The following PDE2A variants were observed in gnomAD, a reference collection of about 807,000 sequenced individuals.
The protein encoded by PDE2A is phosphodiesterase 2A.
PDE2A carries 53 observed loss-of-function variants against 133.6 expected under a neutral mutation model. The ratio of observed to expected loss-of-function variants is 0.40; its 90% CI spans 0.32 to 0.50. The LOEUF is 0.50. Ranked by LOEUF, PDE2A falls within the 20% of genes least tolerant of loss-of-function variation. The pLI is 0.73. For synonymous variants in PDE2A, 491 were observed against 490.2 expected (o/e 1.00, Z -0.02); for missense variants, 796 against 1,232.4 (o/e 0.65, Z 5.30).
Position 72,582,433 on chromosome 11 carries a change from G to C in PDE2A, c.1851+11C>G, listed in dbSNP as rs761720034. ...TCGGCCTGGCCAGTCAAGTGGAGGA[G>C]AGCAACTCACCATGGACGTGTCATC... On this transcript the variant is annotated intron_variant, in intron 21 of 30. Transcript: ENST00000334456. 1.9e-6 allele frequency: 3 copies of C among 1,613,214 alleles called. No homozygotes were observed. Among genetic ancestry groups the C allele is most frequent in the Non-Finnish European group, 2.5e-6 (3 of 1,179,558 alleles).
chr11:72,652,828 T>TC lies in PDE2A; in HGVS notation c.72-10503dup, dbSNP rs199948146. 1,486 of 409,614 alleles carry TC rather than the reference T, an allele frequency of 3.6e-3. 17 individuals are homozygous for TC. Among genetic ancestry groups the TC allele is most frequent in the African/African-American group, 0.028 (1,365 of 48,540 alleles). 25.4% of individuals were successfully genotyped at this position (409,614 alleles called of 1,614,324 possible). A position where few individuals can be genotyped will look rare whatever the true frequency, so the allele number is the denominator to read the frequency against. On this transcript the variant is annotated intron_variant, in intron 1 of 30. Transcript: ENST00000334456. Reference sequence around the variant, plus strand: ...GACTTGGGGAAAAGAGCCCAGGGCCTCCCCCAGTCCTTCCTTGGCTTCAGG... The same window carrying TC: ...GACTTGGGGAAAAGAGCCCAGGGCCTCCCCCCAGTCCTTCCTTGGCTTCAGG...
rs556043525 is a variant in PDE2A, at chr11:72,665,569, G to T, written c.71+8568C>A. Among the ~76,000 whole-genome samples the T allele has an allele frequency of 3.3e-5, 5 of 152,298 alleles. No individual in the cohort carries two copies. The South Asian group carries it at 8.3e-4, about 25-fold the overall frequency. ...GACTCAATCCTCCCCAGGCCCAAGAGAGCTGAGGCACGTTCTTCTCTGGCC... is the reference window on the plus strand; with the variant it reads ...GACTCAATCCTCCCCAGGCCCAAGATAGCTGAGGCACGTTCTTCTCTGGCC... On this transcript the variant is annotated intron_variant, in intron 1 of 30. Transcript: ENST00000334456.
chr11:72,657,997 T>C (rs1357968231), intron 1 of PDE2A: 1 of 456,068 alleles, frequency 2.2e-6, no homozygotes, highest in South Asian at 1.5e-5. Flanking sequence ...GGGAGGGAGT[T>C]CATATGTTGT....
Position 72,583,406 on chromosome 11 carries a change from G to A in PDE2A, c.1728+32C>T, listed in dbSNP as rs374787686. On this transcript the variant is annotated intron_variant, in intron 20 of 30. Coordinates refer to ENST00000334456, the MANE Select transcript of PDE2A (RefSeq NM_002599.5). ...TGGCCCTGGGTCCCCGGGGAATCTG[G>A]GAGGAGGACCAGAGGTCTCTGCAAG... The A allele has an allele frequency of 3.0e-5, 45 of 1,488,508 alleles. No individual in the cohort carries two copies. The African/African-American group carries it at 5.4e-4, about 18-fold the overall frequency. 92.2% of individuals were successfully genotyped at this position (1,488,508 alleles called of 1,614,324 possible).
chr11:72,577,983 G>C (rs1301418381), intron 30 of PDE2A, among the ~76,000 whole-genome samples: 1 of 152,114 alleles, frequency 6.6e-6, no homozygotes, highest in Non-Finnish European at 1.5e-5. Context: ...AAAAAAACAA[G>C]AACTTCCACA....
chr11:72,582,656 T>C, intron 20 of PDE2A, 90 bp from the exon 21 acceptor site: 2 of 1,321,860 alleles, frequency 1.5e-6, no homozygotes, highest in East Asian at 2.4e-5. Context: ...GGGGGATCCG[T>C]CACCCAGAAT....
chr11:72,612,724 G>C (rs1445751001), intron 2 of PDE2A, among the ~76,000 whole-genome samples: 1 of 149,276 alleles, frequency 6.7e-6, no homozygotes, highest in East Asian at 2.0e-4. Context: ...TAGATGGGTG[G>C]CTGGGTGGGT....
At chr11:72,633,885 G>A (rs1398488341) in intron 2 of PDE2A, among the ~76,000 whole-genome samples, 2 of 152,192 alleles carry the variant, frequency 1.3e-5, no homozygotes, top group Admixed American at 1.3e-4. Context: ...TCAAACCCTG[G>A]ACGCCTGATG....
Position 72,674,268 on chromosome 11 carries a change from C to A in PDE2A, c.-61G>T. On this transcript the variant is annotated 5_prime_UTR_variant, in exon 1 of 31. Transcript: ENST00000334456. ...GTGGCACCTCGCCCTGTCCCCGCTGCCTGGAGTTCAGGGCAGGGCACCCCC... is the reference window on the plus strand; with the variant it reads ...GTGGCACCTCGCCCTGTCCCCGCTGACTGGAGTTCAGGGCAGGGCACCCCC... 6.5e-7 allele frequency: 1 copy of A among 1,543,006 alleles called. No individual in the cohort carries two copies. The highest frequency in any genetic ancestry group is 8.8e-7 in the Non-Finnish European group (1 of 1,140,484).
chr11:72,654,244 C>T (rs1854830987), intron 1 of PDE2A, among the ~76,000 whole-genome samples: 1 of 152,206 alleles, frequency 6.6e-6, no homozygotes, highest in Non-Finnish European at 1.5e-5. Flanking sequence ...GCTAGAGAAC[C>T]CAGAGCAGCC....
rs1855728511 is a variant in PDE2A, at chr11:72,581,610, G to A, written c.1923-131C>T. The A allele has an allele frequency of 4.6e-6, 5 of 1,082,658 alleles. No homozygotes were observed. In the African/African-American group the frequency reaches 4.8e-5, roughly 10 times the overall value. 67.1% of individuals were successfully genotyped at this position (1,082,658 alleles called of 1,614,324 possible). On this transcript the variant is annotated intron_variant, in intron 22 of 30. Transcript: ENST00000334456. ...AGCCTTCCTTGATGACTCTGTCTTAGCAGGAAGTTCCTATGCACATCTAAC... is the reference window on the plus strand; with the variant it reads ...AGCCTTCCTTGATGACTCTGTCTTAACAGGAAGTTCCTATGCACATCTAAC...
chr11:72,665,867 G>A (rs1855218459), intron 1 of PDE2A, among the ~76,000 whole-genome samples: 1 of 151,074 alleles, frequency 6.6e-6, no homozygotes, highest in African/African-American at 2.4e-5. Context: ...AGATAACAGA[G>A]AAAGCCTTGA....
At chr11:72,629,064 G>C (rs1045335890) in intron 2 of PDE2A, among the ~76,000 whole-genome samples, 5 of 152,222 alleles carry the variant, frequency 3.3e-5, no homozygotes, top group African/African-American at 1.2e-4. Flanking sequence ...TGTGGGGATG[G>C]GGTCAGGACA....
chr11:72,630,004 A>T (rs550291806), intron 2 of PDE2A, among the ~76,000 whole-genome samples: 142 of 147,768 alleles, frequency 9.6e-4, no homozygotes, highest in Non-Finnish European at 1.5e-3. Context: ...TCTCTCTCTC[A>T]CACACACACA....
In PDE2A at chr11:72,580,530, C is replaced by T. The variant is rs376436716; in HGVS notation, c.2181+47G>A. The stretch of plus-strand genomic sequence containing the variant: ...AGCTGGGTCATAACTTTGCAAGTCA[C>T]TGGCCTTAAAGGGGAAGAAGGACGG... On this transcript the variant is annotated intron_variant, in intron 25 of 30. Transcript: ENST00000334456. 25 of 1,431,288 alleles carry T rather than the reference C, an allele frequency of 1.7e-5. 1 individual carries two copies. In the African/African-American group the frequency reaches 2.8e-4, roughly 16 times the overall value. 88.7% of individuals were successfully genotyped at this position (1,431,288 alleles called of 1,614,324 possible).
intron 1 of PDE2A, among the ~76,000 whole-genome samples, chr11:72,652,865 G>A (rs539300568): frequency 4.6e-5 from 7 of 152,280 alleles, no homozygotes; most frequent in African/African-American, 1.7e-4. Context: ...CTGTACTTGA[G>A]CAACTCCTCC....
rs1397646566 is a variant in PDE2A at position 72,590,449 on chromosome 11, G to T, written c.681C>A (p.Asp227Glu). ...QKGGAAYTDR[D>E]RKILQLCGEL... is the part of the protein sequence containing the mutation. Reference sequence around the variant, plus strand: ...CACCGCACAGTTGGAGGATCTTGCGGTCGCGGTCGGTGTACGCCGCCCCGC... The same window carrying T: ...CACCGCACAGTTGGAGGATCTTGCGTTCGCGGTCGGTGTACGCCGCCCCGC... Residue 227 changes from aspartate (D) to glutamate (E), a missense_variant, in exon 8 of 31, where the codon GAC becomes GAA. Coordinates refer to ENST00000334456, the MANE Select transcript of PDE2A (RefSeq NM_002599.5). This position sits in a 1 kb window ranked among gnomAD's most constrained non-coding sequence, Gnocchi z 4.8. 3 of 1,552,618 alleles carry T rather than the reference G, an allele frequency of 1.9e-6. No homozygotes were observed. Among genetic ancestry groups the T allele is most frequent in the Non-Finnish European group, 2.6e-6 (3 of 1,149,812 alleles).
At chr11:72,635,496 C>A (rs974771739) in intron 2 of PDE2A, among the ~76,000 whole-genome samples, 26 of 152,198 alleles carry the variant, frequency 1.7e-4, no homozygotes, top group African/African-American at 6.3e-4. Flanking sequence ...AGAGCCTCAG[C>A]ATCTTAAAGT....
chr11:72,645,811 C>T (rs1859115245), intron 1 of PDE2A, among the ~76,000 whole-genome samples: 1 of 152,222 alleles, frequency 6.6e-6, no homozygotes, highest in Non-Finnish European at 1.5e-5. Flanking sequence ...CTGTGTGCCT[C>T]ACATTTCATC....
Sources: gnomAD v4.1 joint callset for allele counts (sites outside exome capture counted in the v4.1 genomes callset) on GRCh38, gnomAD v4.1.1 for gene constraint, Gnocchi (gnomAD v3.1) non-coding constraint, MANE v1.5 for transcripts, NCBI Gene and HGNC (gene_info 2026-07-23, HGNC 2026-07-21) for gene names.